The following CRCP variants were observed in gnomAD, a reference collection of about 807,000 sequenced individuals.
The protein encoded by CRCP is DNA-directed RNA polymerase III subunit RPC9.
CRCP carries 18 observed loss-of-function variants against 18.5 expected under a neutral mutation model. The observed-to-expected ratio is 0.97, with a 90% CI of 0.67 to 1.44. The LOEUF (loss-of-function observed/expected upper bound fraction) is 1.44, where lower values mean the gene tolerates loss of function less well. CRCP is among the 40% of genes most tolerant of loss of function. CRCP has a pLI of 0.00. For missense variants in CRCP, 130 were observed against 176.4 expected, an observed-to-expected ratio of 0.74 and a Z score of 1.49; for synonymous variants, 53 against 62.9, an observed-to-expected ratio of 0.84 and a Z score of 0.75.
At chr7:66,141,891 C>T (rs1788152158) in intron 4 of CRCP, among the ~76,000 whole-genome samples, 1 of 152,142 alleles carries the variant, frequency 6.6e-6, no homozygotes, top group African/African-American at 2.4e-5. Flanking sequence ...CCACCCCAGA[C>T]TGGAGTGTGG....
intron 4 of CRCP, among the ~76,000 whole-genome samples, chr7:66,140,635 G>A (rs961856310): frequency 5.3e-5 from 8 of 151,994 alleles, no homozygotes; most frequent in African/African-American, 1.4e-4. Flanking sequence ...CAGGTGATTC[G>A]CCGCCTCAGC....
In CRCP at chr7:66,154,445, T is replaced by G. The variant is rs1419675056; in HGVS notation, c.*2088T>G. ...ATGTTAGGTGGTTTTTCTTGATGGA[T>G]TTAGGGTTAACCTAGTTAATAATAA... is the stretch of plus-strand genomic sequence containing the variant. On this transcript the variant is annotated 3_prime_UTR_variant, in exon 6 of 6. Transcript: ENST00000395326. 1 of 152,040 alleles carries G rather than the reference T, an allele frequency of 6.6e-6. No individual in the cohort carries two copies. The highest frequency in any genetic ancestry group is 2.4e-5 in the African/African-American group (1 of 41,414). 9.4% of individuals were successfully genotyped at this position (152,040 alleles called of 1,614,324 possible).
Position 66,134,711 on chromosome 7 carries a change from A to G in CRCP, c.239+337A>G, listed in dbSNP as rs116593388. 6.8e-3 allele frequency among the ~76,000 whole-genome samples: 1,038 copies of G among 152,298 alleles called. 14 individuals are homozygous for G. Among genetic ancestry groups the G allele is most frequent in the African/African-American group, 0.023 (971 of 41,568 alleles). ...ATGGAAAAGAAGGCAAATTTAGGTCATAGGTAGAGATCTCAATCAAATGGG... is the reference window on the plus strand; with the variant it reads ...ATGGAAAAGAAGGCAAATTTAGGTCGTAGGTAGAGATCTCAATCAAATGGG... On this transcript the variant is annotated intron_variant, in intron 4 of 5. Transcript: ENST00000395326.
At chr7:66,131,605 T>C (rs367596270) in intron 3 of CRCP, among the ~76,000 whole-genome samples, 47 of 152,172 alleles carry the variant, frequency 3.1e-4, no homozygotes, top group African/African-American at 9.6e-4. Flanking sequence ...AAGGCTATTA[T>C]TTTTCAAGTT....
At chr7:66,124,338 A>G (rs904545715) in intron 1 of CRCP, among the ~76,000 whole-genome samples, 2 of 151,756 alleles carry the variant, frequency 1.3e-5, no homozygotes, top group South Asian at 4.2e-4. Context: ...CCAGCCTGGG[A>G]GACAGAGCGA....
chr7:66,151,671 C>T lies in CRCP; in HGVS notation c.298-537C>T, dbSNP rs907372800. 2.0e-4 allele frequency among the ~76,000 whole-genome samples: 8 copies of T among 40,302 alleles called. No individual in the cohort carries two copies. The East Asian group carries it at 3.9e-3, about 20-fold the overall frequency. The allele number at this position is 40,302 out of a possible 152,430, so 26.4% of individuals were successfully genotyped here. The stretch of plus-strand genomic sequence containing the variant: ...CATATGCAACCTGTTCACCACTTCT[C>T]TCTGTGTGTGTGTGTGTGTGTGTGT... On this transcript the variant is annotated intron_variant, in intron 5 of 5. Coordinates refer to ENST00000395326, the MANE Select transcript of CRCP (RefSeq NM_014478.5).
intron 4 of CRCP, 84 bp from the exon 5 acceptor site, chr7:66,145,359 T>A: frequency 7.0e-7 from 1 of 1,419,834 alleles, no homozygotes; most frequent in Non-Finnish European, 9.9e-7. Context: ...ATTTTTTATC[T>A]GGCAAATTAT....
At chr7:66,123,636 T>A (rs530050689) in intron 1 of CRCP, among the ~76,000 whole-genome samples, 59 of 151,936 alleles carry the variant, frequency 3.9e-4, no homozygotes, top group Non-Finnish European at 1.3e-4. Flanking sequence ...TAATACCAGC[T>A]ACTTGGGAGG....
At chr7:66,141,692 C>T (rs943001640) in intron 4 of CRCP, among the ~76,000 whole-genome samples, 7 of 152,086 alleles carry the variant, frequency 4.6e-5, no homozygotes, top group African/African-American at 1.2e-4. Context: ...GGAGTAGGAC[C>T]GAGGAGCAGC....
At chr7:66,135,921 C>CAA (rs757639626) in intron 4 of CRCP, among the ~76,000 whole-genome samples, 1 of 131,888 alleles carries the variant, frequency 7.6e-6, no homozygotes, top group African/African-American at 2.8e-5. Context: ...AACTCTGTCT[C>CAA]AAAAAAAAAA....
chr7:66,123,054 A>T lies in CRCP; in HGVS notation c.9-4650A>T, dbSNP rs1235782964. ...ACTGTAAGCTCCGCCTCCCGGGTTC[A>T]CGCCATTCTCCTGCCTCAGCCTCCT... On this transcript the variant is annotated intron_variant, in intron 1 of 5. Transcript: ENST00000395326. 3.3e-5 allele frequency among the ~76,000 whole-genome samples: 5 copies of T among 150,038 alleles called. No homozygotes were observed. The East Asian group carries it at 9.9e-4, about 30-fold the overall frequency.
intron 1 of CRCP, among the ~76,000 whole-genome samples, chr7:66,118,364 T>C (rs1487353712): frequency 6.6e-6 from 1 of 152,230 alleles, no homozygotes; most frequent in East Asian, 1.9e-4. Context: ...TCTTTCATAG[T>C]ACCTTGATTT....
intron 1 of CRCP, among the ~76,000 whole-genome samples, chr7:66,115,302 G>A (rs1419186050): frequency 6.6e-6 from 1 of 152,166 alleles, no homozygotes; most frequent in African/African-American, 2.4e-5. Context: ...TCTGGTATCC[G>A]ACCCCGGACT....
intron 1 of CRCP, among the ~76,000 whole-genome samples, chr7:66,123,484 C>T (rs1436262138): frequency 1.3e-5 from 2 of 152,142 alleles, no homozygotes; most frequent in Non-Finnish European, 2.9e-5. Context: ...TATGGTGGCT[C>T]ACGCCTGTAA....
intron 4 of CRCP, among the ~76,000 whole-genome samples, chr7:66,137,245 G>A (rs1331053783): frequency 6.6e-6 from 1 of 151,976 alleles, no homozygotes; most frequent in South Asian, 2.1e-4. Context: ...ATTGTAAATG[G>A]TGCTCATTTC....
chr7:66,151,456 C>G (rs771438512), intron 5 of CRCP, among the ~76,000 whole-genome samples: 115 of 152,030 alleles, frequency 7.6e-4, no homozygotes, highest in Non-Finnish European at 1.1e-3. Flanking sequence ...GTAGTCCCAG[C>G]TATTCGGGAG....
chr7:66,119,713 A>G (rs28470208), intron 1 of CRCP: 97,886 of 152,028 alleles, frequency 0.64, 31,969 homozygotes, highest in African/African-American at 0.74. Context: ...CAGAGGAAAA[A>G]CTGTTTGATT....
chr7:66,135,417 G>GA (rs1214162853), intron 4 of CRCP, among the ~76,000 whole-genome samples: 17 of 152,156 alleles, frequency 1.1e-4, no homozygotes, highest in Admixed American at 1.3e-4. Flanking sequence ...TAGAAATGGG[G>GA]AAAAAACAAG....
At chr7:66,130,119 T>TTTTTG (rs1787750124) in intron 2 of CRCP, 1 of 331,072 alleles carries the variant, frequency 3.0e-6, no homozygotes, top group Non-Finnish European at 5.6e-6. Flanking sequence ...TTTTTTTTTT[T>TTTTTG]TTTTCAGATG....
Sources: allele counts gnomAD v4.1 joint callset (sites outside exome capture counted in the v4.1 genomes callset), GRCh38; gene constraint gnomAD v4.1.1; transcripts MANE v1.5; gene names NCBI Gene and HGNC (gene_info 2026-07-23, HGNC 2026-07-21).